The following FOXP2 variants were observed in gnomAD, a reference collection of about 807,000 sequenced individuals.
FOXP2 encodes forkhead box protein P2.
A neutral mutation model predicts 115.8 loss-of-function variants in FOXP2; 12 were observed. The observed-to-expected ratio is 0.10, with a 90% CI of 0.07 to 0.17. The LOEUF (loss-of-function observed/expected upper bound fraction) is 0.17. Ranked by LOEUF, FOXP2 falls within the 10% of genes least tolerant of loss-of-function variation. The pLI is 1.00. For missense variants in FOXP2, 629 were observed against 843.5 expected, an observed-to-expected ratio of 0.75 and a Z score of 3.15; for synonymous variants, 328 against 297.7, an observed-to-expected ratio of 1.10 and a Z score of -1.05.
intron 2 of FOXP2, among the ~76,000 whole-genome samples, chr7:114,508,844 T>C (rs573100115): frequency 1.8e-4 from 28 of 152,106 alleles, no homozygotes; most frequent in Admixed American, 1.8e-3. Context: ...TACAGTAATG[T>C]AGAGTAATGA....
At chr7:114,137,729 G>A (rs937909616) in intron 1 of FOXP2, among the ~76,000 whole-genome samples, 4 of 152,154 alleles carry the variant, frequency 2.6e-5, no homozygotes, top group Admixed American at 6.5e-5. Flanking sequence ...TAAGTAAGAG[G>A]AAGAGTCTAG....
chr7:114,622,795 T>A (rs1461109067), intron 3 of FOXP2, among the ~76,000 whole-genome samples: 1 of 151,990 alleles, frequency 6.6e-6, no homozygotes, highest in African/African-American at 2.4e-5. Context: ...GTATTAAAAT[T>A]CATTTTAAAA....
At chr7:114,120,782 A>G (rs1298554482) in intron 1 of FOXP2, among the ~76,000 whole-genome samples, 1 of 151,862 alleles carries the variant, frequency 6.6e-6, no homozygotes, top group East Asian at 1.9e-4. Flanking sequence ...TGTTATTTTA[A>G]TTTACATTTT....
At chr7:114,522,142 G>C (rs1366590872) in intron 2 of FOXP2, among the ~76,000 whole-genome samples, 1 of 152,166 alleles carries the variant, frequency 6.6e-6, no homozygotes, top group Non-Finnish European at 1.5e-5. Flanking sequence ...TAAGAAGTAA[G>C]TTTTCTTAGG....
At chr7:114,135,246 C>T (rs144024865) in intron 1 of FOXP2, among the ~76,000 whole-genome samples, 2 of 152,078 alleles carry the variant, frequency 1.3e-5, no homozygotes, top group East Asian at 3.9e-4. Context: ...GAAAAATTTA[C>T]TTATGACAGA....
chr7:114,577,520 C>T (rs796474438), intron 3 of FOXP2, among the ~76,000 whole-genome samples: 17 of 152,012 alleles, frequency 1.1e-4, no homozygotes, highest in African/African-American at 4.1e-4. Context: ...CTAGAGAATT[C>T]AAAATTGAAC....
intron 2 of FOXP2, among the ~76,000 whole-genome samples, chr7:114,361,568 A>C (rs969983211): frequency 6.6e-6 from 1 of 152,052 alleles, no homozygotes; most frequent in Non-Finnish European, 1.5e-5. Flanking sequence ...ATGGGGCAAA[A>C]AGTTTTATGA....
chr7:114,297,473 AT>A, intron 2 of FOXP2: 6 of 376,068 alleles, frequency 1.6e-5, no homozygotes, highest in Admixed American at 3.8e-5. Context: ...CACTATATGC[AT>A]TTTTTGCCTC....
chr7:114,286,221 T>C (rs1344902230), intron 1 of FOXP2, among the ~76,000 whole-genome samples: 1 of 151,970 alleles, frequency 6.6e-6, no homozygotes, highest in Non-Finnish European at 1.5e-5. Context: ...TGAGCTGTTA[T>C]ATATATGTAT....
At chr7:114,524,141 T>C (rs1343437683) in intron 2 of FOXP2, among the ~76,000 whole-genome samples, 1 of 152,188 alleles carries the variant, frequency 6.6e-6, no homozygotes, top group East Asian at 1.9e-4. Flanking sequence ...GTATTTGGTA[T>C]GGCAGAAGAA....
chr7:114,688,597 T>C (rs1392001531), intron 16 of FOXP2, among the ~76,000 whole-genome samples: 2 of 152,148 alleles, frequency 1.3e-5, no homozygotes, highest in African/African-American at 2.4e-5. Context: ...AGATTTATCA[T>C]TGCAGCACAA....
At position 114,692,272 on chromosome 7, in the gene FOXP2, G is replaced by C. The variant is rs1483216586; in HGVS notation, c.*2346G>C. 2 of 453,848 alleles carry C rather than the reference G, an allele frequency of 4.4e-6. No homozygotes were observed. Among genetic ancestry groups the C allele is most frequent in the Non-Finnish European group, 8.8e-6 (2 of 226,728 alleles). 28.1% of individuals were successfully genotyped at this position (453,848 alleles called of 1,614,324 possible). A position where few individuals can be genotyped will look rare whatever the true frequency, so the allele number is the denominator to read the frequency against. ...TGCTAAAGTATGCATACCTCAGTTA[G>C]AAAACTTTTGAAAGGAAGTCTCAGC... On this transcript the variant is annotated 3_prime_UTR_variant, in exon 17 of 17. Transcript: ENST00000350908.
At chr7:114,145,511 G>A (rs1276307339) in intron 1 of FOXP2, among the ~76,000 whole-genome samples, 2 of 67,096 alleles carry the variant, frequency 3.0e-5, no homozygotes, top group African/African-American at 1.1e-4. Context: ...CTTTTGAGAT[G>A]GAGTTTTGCT....
chr7:114,581,819 C>A (rs1322427374), intron 3 of FOXP2, among the ~76,000 whole-genome samples: 1 of 152,126 alleles, frequency 6.6e-6, no homozygotes, highest in Non-Finnish European at 1.5e-5. Context: ...TTTGTTTTAA[C>A]CTAAGGGTGG....
At chr7:114,338,782 AT>A (rs1791119363) in intron 2 of FOXP2, among the ~76,000 whole-genome samples, 1 of 149,520 alleles carries the variant, frequency 6.7e-6, no homozygotes, top group African/African-American at 2.5e-5. Flanking sequence ...ACACACACAC[AT>A]CTACATACAT....
Position 114,662,114 on chromosome 7 carries a change from A to T in FOXP2, c.1697A>T (p.Glu566Val). Residue 566 changes from glutamate (E) to valine (V), a missense_variant, in exon 14 of 17, where the codon GAA (glutamate) becomes GTA (valine). Glu to Val is a moderately radical substitution (Grantham distance 121, BLOSUM62 -2). Around this residue, in one of 9 missense-constraint regions of FOXP2, gnomAD observed 40 missense variants for 75.3 expected, o/e 0.53. Transcript: ENST00000350908. ...CTGCACAAGTGTTTTGTTCGAGTAGAAAATGTTAAAGGAGCAGTATGGACT... is the reference window on the plus strand; with the variant it reads ...CTGCACAAGTGTTTTGTTCGAGTAGTAAATGTTAAAGGAGCAGTATGGACT... Reference protein sequence around the residue: ...LSLHKCFVRVENVKGAVWTVD... With the variant: ...LSLHKCFVRVVNVKGAVWTVD... 6.2e-7 allele frequency: 1 copy of T among 1,612,958 alleles called. No individual in the cohort carries two copies. Among genetic ancestry groups the T allele is most frequent in the East Asian group, 2.2e-5 (1 of 44,822 alleles).
intron 1 of FOXP2, among the ~76,000 whole-genome samples, chr7:114,273,101 T>C (rs1796107633): frequency 6.6e-6 from 1 of 151,992 alleles, no homozygotes; most frequent in Non-Finnish European, 1.5e-5. Context: ...CTCTGAGCAC[T>C]GATATTACTT....
At chr7:114,290,553 T>A (rs1163505897) in intron 2 of FOXP2, among the ~76,000 whole-genome samples, 1 of 152,140 alleles carries the variant, frequency 6.6e-6, no homozygotes, top group Admixed American at 6.6e-5. Flanking sequence ...ATATTTGCTC[T>A]ATTTTTGAAA....
chr7:114,684,186 C>T (rs188315828), intron 16 of FOXP2, among the ~76,000 whole-genome samples: 1 of 152,208 alleles, frequency 6.6e-6, no homozygotes, highest in African/African-American at 2.4e-5. Flanking sequence ...TTTGTTATTC[C>T]TCTTTATCAA....
Sources: allele counts gnomAD v4.1 joint callset (sites outside exome capture counted in the v4.1 genomes callset), GRCh38; gene constraint gnomAD v4.1.1; regional missense constraint gnomAD v4.1.1; transcripts MANE v1.5; gene names NCBI Gene and HGNC (gene_info 2026-07-23, HGNC 2026-07-21).